SYN3: variants seen among roughly 807,000 people sequenced by gnomAD.
SYN3 encodes the protein synapsin-3.
A neutral mutation model predicts 65.8 loss-of-function variants in SYN3; 35 were observed. The observed-to-expected ratio is 0.53, with a 90% CI of 0.41 to 0.70. SYN3 has a LOEUF of 0.70. SYN3 is among the 30% of genes least tolerant of loss of function. The probability of loss-of-function intolerance (pLI) is 0.00; values close to 1 mark genes in which losing one functional copy is unlikely to be tolerated. For missense variants in SYN3, 680 were observed against 749.0 expected (o/e 0.91, Z 1.08); for synonymous variants, 270 against 292.9 (o/e 0.92, Z 0.80).
intron 7 of SYN3, among the ~76,000 whole-genome samples, chr22:32,551,329 CCT>C: frequency 6.6e-6 from 1 of 152,144 alleles, no homozygotes; most frequent in Middle Eastern, 3.4e-3. Flanking sequence ...GATAATGGCC[CCT>C]ACCCCCACCC....
At chr22:32,752,974 C>G (rs2045176911) in intron 6 of SYN3, among the ~76,000 whole-genome samples, 1 of 152,132 alleles carries the variant, frequency 6.6e-6, no homozygotes, top group African/African-American at 2.4e-5. Flanking sequence ...CAGCCTCCCC[C>G]AGAACCACTG....
intron 5 of SYN3, among the ~76,000 whole-genome samples, chr22:32,865,682 C>T (rs887122674): frequency 3.3e-5 from 5 of 152,234 alleles, no homozygotes; most frequent in Non-Finnish European, 5.9e-5. Flanking sequence ...TGCTTCAACA[C>T]TTGCTTGTTT....
At chr22:33,048,817 T>A (rs1207845056) in intron 1 of SYN3, among the ~76,000 whole-genome samples, 1 of 152,090 alleles carries the variant, frequency 6.6e-6, no homozygotes, top group East Asian at 1.9e-4. Flanking sequence ...TGTATGAAGG[T>A]ATTAGAGGCT....
intron 6 of SYN3, among the ~76,000 whole-genome samples, chr22:32,684,328 A>G (rs1601908913): frequency 6.6e-6 from 1 of 152,180 alleles, no homozygotes; most frequent in Non-Finnish European, 1.5e-5. Context: ...CAGAGAGAGG[A>G]GACAGAGATA....
intron 6 of SYN3, among the ~76,000 whole-genome samples, chr22:32,765,465 C>T (rs1307659139): frequency 6.6e-6 from 1 of 152,118 alleles, no homozygotes; most frequent in Admixed American, 6.5e-5. Flanking sequence ...AACAAGGTGG[C>T]TGAGGATTCC....
At chr22:33,025,251 C>A (rs182438498) in intron 1 of SYN3, among the ~76,000 whole-genome samples, 1 of 151,478 alleles carries the variant, frequency 6.6e-6, no homozygotes, top group African/African-American at 2.4e-5. Context: ...GTCAGGAGTT[C>A]GAGACCAGCC....
intron 1 of SYN3, among the ~76,000 whole-genome samples, chr22:33,012,717 C>T (rs2053378408): frequency 6.6e-6 from 1 of 152,228 alleles, no homozygotes; most frequent in Non-Finnish European, 1.5e-5. Flanking sequence ...TGGGGCATCT[C>T]TTTAGATGTC....
chr22:32,538,240 G>C (rs1399163492), intron 8 of SYN3, 130 bp from the exon 9 acceptor site: 14 of 716,552 alleles, frequency 2.0e-5, no homozygotes, highest in Admixed American at 8.3e-5. Flanking sequence ...GTATTCTTAC[G>C]TACACACCTT....
intron 6 of SYN3, among the ~76,000 whole-genome samples, chr22:32,680,065 G>C (rs1267485585): frequency 6.6e-6 from 1 of 151,972 alleles, no homozygotes; most frequent in Non-Finnish European, 1.5e-5. Context: ...CTCAATGCCT[G>C]ACATGTAATA....
chr22:32,902,508 G>A (rs931903842), intron 4 of SYN3, among the ~76,000 whole-genome samples: 1 of 152,158 alleles, frequency 6.6e-6, no homozygotes, highest in Non-Finnish European at 1.5e-5. Flanking sequence ...CTGCAATCTT[G>A]TGAAAAATTC....
At position 32,624,170 on chromosome 22, in the gene SYN3, T is replaced by C. The variant is rs372076768; in HGVS notation, c.712-27434A>G. 1.2e-4 allele frequency among the ~76,000 whole-genome samples: 18 copies of C among 152,352 alleles called. No homozygotes were observed. The South Asian group carries it at 3.7e-3, about 32-fold the overall frequency. On this transcript the variant is annotated intron_variant, in intron 6 of 13. Transcript: ENST00000358763. Reference sequence around the variant, plus strand: ...GACAGTGACATCATCGCTCCCTCCCTGGCTTGGGGATTTGGTGGTCAGCAT... The same window carrying C: ...GACAGTGACATCATCGCTCCCTCCCCGGCTTGGGGATTTGGTGGTCAGCAT...
chr22:32,721,426 TCATCCATCCATC>T (rs561324782), intron 6 of SYN3, among the ~76,000 whole-genome samples: 7 of 151,998 alleles, frequency 4.6e-5, no homozygotes, highest in Admixed American at 3.9e-4. Context: ...CCCCCAGAAA[TCATCCATCCATC>T]CATCCATCCA....
At chr22:32,543,070 G>A (rs913056935) in intron 7 of SYN3, among the ~76,000 whole-genome samples, 2 of 152,118 alleles carry the variant, frequency 1.3e-5, no homozygotes, top group Non-Finnish European at 2.9e-5. Flanking sequence ...CCCATCTCAC[G>A]TCCTTCCGAT....
intron 6 of SYN3, among the ~76,000 whole-genome samples, chr22:32,659,052 T>C (rs2060181017): frequency 6.6e-6 from 1 of 152,182 alleles, no homozygotes; most frequent in Non-Finnish European, 1.5e-5. Flanking sequence ...ATTAAGTGAT[T>C]TCCTTAAGGT....
At chr22:33,009,751 A>AACACACACACACACAC (rs58156623) in intron 1 of SYN3, among the ~76,000 whole-genome samples, 6 of 141,204 alleles carry the variant, frequency 4.2e-5, no homozygotes, top group Non-Finnish European at 3.1e-5. Flanking sequence ...TACGTATCTA[A>AACACACACACACACAC]ACACACACAC....
chr22:33,053,109 G>A (rs954839399), intron 1 of SYN3, among the ~76,000 whole-genome samples: 2 of 152,090 alleles, frequency 1.3e-5, no homozygotes, highest in South Asian at 2.1e-4. Context: ...CATATCCCAA[G>A]TATAAAAAGT....
chr22:32,668,518 T>TTTCTCC (rs1296527576), intron 6 of SYN3, among the ~76,000 whole-genome samples: 2 of 152,004 alleles, frequency 1.3e-5, no homozygotes, highest in Non-Finnish European at 2.9e-5. Context: ...CTTTCCTTCC[T>TTTCTCC]TTCTCCTTCT....
intron 6 of SYN3, among the ~76,000 whole-genome samples, chr22:32,626,527 G>C (rs993761381): frequency 2.0e-5 from 3 of 152,178 alleles, no homozygotes; most frequent in Non-Finnish European, 4.4e-5. Flanking sequence ...CAAGGACCGA[G>C]AGTAGGTTTT....
rs572144597 is a variant in SYN3 at position 32,510,491 on chromosome 22, G to T, written c.*3201C>A. Among the ~76,000 whole-genome samples the T allele has an allele frequency of 2.0e-5, 3 of 152,196 alleles. No homozygotes were observed. The highest frequency in any genetic ancestry group is 7.2e-5 in the African/African-American group (3 of 41,500). On this transcript the variant is annotated 3_prime_UTR_variant, in exon 14 of 14. Transcript: ENST00000358763. ...GTTGAAGAGGGACGATTGCCACAGG[G>T]GTTTCCTGTGTTCTTAATCTCCTGA...
Sources: allele counts gnomAD v4.1 joint callset (sites outside exome capture counted in the v4.1 genomes callset), GRCh38; gene constraint gnomAD v4.1.1; transcripts MANE v1.5; gene names NCBI Gene and HGNC (gene_info 2026-07-23, HGNC 2026-07-21).